The following RAB5A variants were observed in gnomAD, a reference collection of about 807,000 sequenced individuals.
The protein encoded by RAB5A is ras-related protein Rab-5A.
In RAB5A, 8 loss-of-function variants were observed where a neutral mutation model predicts 25.7. The observed-to-expected ratio is 0.31, with a 90% CI of 0.18 to 0.56. The LOEUF (loss-of-function observed/expected upper bound fraction) is 0.56. Among genes scored for constraint, RAB5A ranks in the 20% least tolerant of loss-of-function variants. The probability of loss-of-function intolerance (pLI) is 0.91; values close to 1 mark genes in which losing one functional copy is unlikely to be tolerated. For missense variants in RAB5A, 192 were observed against 259.7 expected (o/e 0.74, Z 1.79); for synonymous variants, 98 against 89.8 (o/e 1.09, Z -0.52).
intron 2 of RAB5A, among the ~76,000 whole-genome samples, chr3:19,961,401 T>G (rs1210214746): frequency 1.3e-5 from 2 of 151,918 alleles, no homozygotes; most frequent in Non-Finnish European, 2.9e-5. Context: ...CCTATCAGAC[T>G]AGAAAATTTG....
intron 2 of RAB5A, among the ~76,000 whole-genome samples, chr3:19,969,038 T>TTG (rs1553639275): frequency 6.8e-5 from 5 of 73,960 alleles, no homozygotes; most frequent in South Asian, 8.6e-4. Context: ...TTGGTTTTTT[T>TTG]TTTTTGGTTT....
intron 2 of RAB5A, among the ~76,000 whole-genome samples, chr3:19,963,376 C>CCGCCCG (rs1553638835): frequency 1.2e-5 from 1 of 86,796 alleles, no homozygotes; most frequent in African/African-American, 5.0e-5. Context: ...CCCCCCCCCC[C>CCGCCCG]CCGACTTATT....
intron 2 of RAB5A, among the ~76,000 whole-genome samples, chr3:19,954,938 T>A (rs1025597156): frequency 6.6e-6 from 1 of 152,222 alleles, no homozygotes; most frequent in Non-Finnish European, 1.5e-5. Flanking sequence ...CTAGCTTGTT[T>A]GTATGGGTTT....
intron 2 of RAB5A, among the ~76,000 whole-genome samples, chr3:19,961,715 A>G (rs1312438353): frequency 1.3e-5 from 2 of 152,252 alleles, no homozygotes; most frequent in East Asian, 1.9e-4. Flanking sequence ...TCTCCCCCTC[A>G]TCTTCTATCT....
rs144811486 is a variant in RAB5A, at chr3:19,962,718, A to G, written c.163+11657A>G. Among the ~76,000 whole-genome samples, 346 of 152,354 alleles carry G rather than the reference A, an allele frequency of 2.3e-3. 1 individual carries two copies. The highest frequency in any genetic ancestry group is 7.8e-3 in the African/African-American group (324 of 41,578). On this transcript the variant is annotated intron_variant, in intron 2 of 5. Coordinates refer to ENST00000273047, the MANE Select transcript of RAB5A (RefSeq NM_004162.5). ...TATGCACATTGTTGTATCTTTGGCT[A>G]TAATAGTACTGTACTAAATAACAGC... is the stretch of plus-strand genomic sequence containing the variant.
intron 5 of RAB5A, among the ~76,000 whole-genome samples, chr3:19,979,216 C>A (rs990003433): frequency 1.3e-4 from 20 of 151,960 alleles, no homozygotes; most frequent in African/African-American, 4.4e-4. Flanking sequence ...ATCTCGTGAT[C>A]TGCCCACCTC....
chr3:19,982,172 A>T (rs966013742), intron 5 of RAB5A, among the ~76,000 whole-genome samples: 1 of 152,144 alleles, frequency 6.6e-6, no homozygotes, highest in African/African-American at 2.4e-5. Context: ...CAGGAGTTCA[A>T]GGCTGCAGTG....
At chr3:19,969,031 GTTTTTTTTTTTTGGT>G (rs1035792644) in intron 2 of RAB5A, among the ~76,000 whole-genome samples, 2 of 99,744 alleles carry the variant, frequency 2.0e-5, no homozygotes, top group African/African-American at 1.0e-4. Context: ...TTTGGTTTTG[GTTTTTTTTTTTTGGT>G]TTTTTTTTTT....
chr3:19,959,110 CCT>C (rs1696547431), intron 2 of RAB5A, among the ~76,000 whole-genome samples: 1 of 152,094 alleles, frequency 6.6e-6, no homozygotes, highest in African/African-American at 2.4e-5. Context: ...GTGTTGATGT[CCT>C]CTGGTGCTTT....
At chr3:19,947,622 C>A (rs1469373607) in intron 1 of RAB5A, 101 bp downstream of exon 1, 1 of 152,608 alleles carries the variant, frequency 6.6e-6, no homozygotes, top group African/African-American at 2.4e-5. Context: ...AGACCCCCCA[C>A]CCCTTCTCCC....
chr3:19,983,181 CAAAA>C (rs1162186033), intron 5 of RAB5A, among the ~76,000 whole-genome samples: 1 of 151,684 alleles, frequency 6.6e-6, no homozygotes, highest in African/African-American at 2.4e-5. Context: ...TACTAAAAAA[CAAAA>C]ATTAGCTGGG....
rs766418810 is a variant in RAB5A, at chr3:19,975,761, G to A, written c.315+9G>A. 9 of 1,599,970 alleles carry A rather than the reference G, an allele frequency of 5.6e-6. No homozygotes were observed. The highest frequency in any genetic ancestry group is 3.5e-5 in the Admixed American group (2 of 57,000). ...ATGATATCACAAATGAGGTAAGTATGGATGCATTCCACAGTAAAACTAATT... is the reference window on the plus strand; with the variant it reads ...ATGATATCACAAATGAGGTAAGTATAGATGCATTCCACAGTAAAACTAATT... On this transcript the variant is annotated intron_variant, in intron 3 of 5. Transcript: ENST00000273047.
intron 2 of RAB5A, among the ~76,000 whole-genome samples, chr3:19,956,311 A>G (rs550320924): frequency 4.1e-4 from 63 of 152,286 alleles, no homozygotes; most frequent in African/African-American, 1.5e-3. Flanking sequence ...AGAATTAGCT[A>G]GGCGTGGTGG....
chr3:19,960,826 T>G (rs372984662), intron 2 of RAB5A, among the ~76,000 whole-genome samples: 1 of 152,204 alleles, frequency 6.6e-6, no homozygotes, highest in Non-Finnish European at 1.5e-5. Flanking sequence ...CGGTTAGTTA[T>G]TCATGGTTTT....
chr3:19,951,793 T>C (rs1575066389), intron 2 of RAB5A, among the ~76,000 whole-genome samples: 1 of 145,608 alleles, frequency 6.9e-6, no homozygotes, highest in South Asian at 2.3e-4. Context: ...AGCCTCAACC[T>C]CCCAGGTAGC....
At chr3:19,962,825 A>ATT (rs57293404) in intron 2 of RAB5A, among the ~76,000 whole-genome samples, 15 of 151,186 alleles carry the variant, frequency 9.9e-5, no homozygotes, top group South Asian at 6.3e-4. Context: ...TTCTTTTTTG[A>ATT]TTTTTTTTTG....
At chr3:19,983,576 A>G in intron 5 of RAB5A, 132 bp from the exon 6 acceptor site, 1 of 664,700 alleles carries the variant, frequency 1.5e-6, no homozygotes, top group Admixed American at 2.6e-5. Flanking sequence ...TAAACATTTG[A>G]AAAGAATGAA....
chr3:19,961,225 A>G (rs1322225889), intron 2 of RAB5A, among the ~76,000 whole-genome samples: 82 of 152,320 alleles, frequency 5.4e-4, no homozygotes, highest in Non-Finnish European at 4.4e-5. Context: ...TACCATGGCT[A>G]TATGGGAAGG....
intron 5 of RAB5A, 140 bp downstream of exon 5, chr3:19,978,543 G>T: frequency 1.7e-6 from 1 of 584,540 alleles, no homozygotes; most frequent in Admixed American, 3.2e-5. Flanking sequence ...GAGAGAGAGA[G>T]AGATTATACC....
Sources: allele counts gnomAD v4.1 joint callset (sites outside exome capture counted in the v4.1 genomes callset), GRCh38; gene constraint gnomAD v4.1.1; transcripts MANE v1.5; gene names NCBI Gene and HGNC (gene_info 2026-07-23, HGNC 2026-07-21).